The following TRPC5 variants were observed in gnomAD, a reference collection of about 807,000 sequenced individuals.
The protein encoded by TRPC5 is transient receptor potential cation channel subfamily C member 5.
In TRPC5, 9 loss-of-function variants were observed where a neutral mutation model predicts 56.5. The observed-to-expected ratio is 0.16, with a 90% CI of 0.10 to 0.28. TRPC5 has a LOEUF of 0.28. Ranked by LOEUF, TRPC5 falls within the 10% of genes least tolerant of loss-of-function variation. The pLI is 1.00. For missense variants in TRPC5, 469 were observed against 748.9 expected, an observed-to-expected ratio of 0.63 and a Z score of 4.36; for synonymous variants, 282 against 278.5, an observed-to-expected ratio of 1.01 and a Z score of -0.13.
chrX:111,779,064 C>G lies in TRPC5; in HGVS notation c.2153G>C (p.Arg718Thr). The G allele has an allele frequency of 1.7e-6, 2 of 1,195,166 alleles. No homozygotes were observed. The highest frequency in any genetic ancestry group is 2.3e-6 in the Non-Finnish European group (2 of 884,488). Residue 718 changes from arginine to threonine, a missense_variant, in exon 10 of 11, where the codon AGG becomes ACG. Physicochemically the swap from Arg to Thr is moderately conservative, Grantham distance 71. Transcript: ENST00000262839. ...AGCCACATATCTTTTGACTAAATTC[C>G]TGATAACTTCCTGGAATTACAAAAC... Reference protein sequence around the residue: ...IQNQHYQEVIRNLVKRYVAAM... With the variant: ...IQNQHYQEVITNLVKRYVAAM...
intron 1 of TRPC5, among the ~76,000 whole-genome samples, chrX:112,078,877 G>A (rs1930898289): frequency 1.8e-5 from 2 of 111,818 alleles, no homozygotes; most frequent in African/African-American, 6.5e-5. Context: ...ATCAACAGAA[G>A]AAAAGCTTCG....
intron 3 of TRPC5, among the ~76,000 whole-genome samples, chrX:111,867,415 C>CT (rs1230709105): frequency 8.9e-6 from 1 of 111,928 alleles, no homozygotes; most frequent in Non-Finnish European, 1.9e-5. Context: ...TAAGAAAAGG[C>CT]TGCGGTGAAT....
chrX:111,988,054 C>T (rs1928257721), intron 1 of TRPC5, among the ~76,000 whole-genome samples: 1 of 112,618 alleles, frequency 8.9e-6, no homozygotes, highest in African/African-American at 3.2e-5. Context: ...CAATATAAAG[C>T]AGCAAATAGA....
Position 111,843,873 on chromosome X carries a change from AGTGTGTGTGTGTGT to A in TRPC5, c.1700+3227_1700+3240del, listed in dbSNP as rs547330564. On this transcript the variant is annotated intron_variant, in intron 6 of 10. Coordinates refer to ENST00000262839, the MANE Select transcript of TRPC5 (RefSeq NM_012471.3). ...AGGCCTGAACCAAGACAGTGGGATG[AGTGTGTGTGTGTGT>A]GTGTGTGTGTGTGTGTGTGTGTGTG... is the stretch of plus-strand genomic sequence containing the variant. Among the ~76,000 whole-genome samples the A allele has an allele frequency of 3.5e-3, 255 of 72,601 alleles. 4 individuals carry two copies. The highest frequency in any genetic ancestry group is 7.9e-3 in the African/African-American group (142 of 17,954). 63.0% of individuals were successfully genotyped at this position (72,601 alleles called of 115,157 possible).
chrX:111,851,926 G>T (rs958541739), intron 5 of TRPC5, among the ~76,000 whole-genome samples: 2 of 111,909 alleles, frequency 1.8e-5, no homozygotes, highest in African/African-American at 6.5e-5. Context: ...GAAGTGACAA[G>T]GATTAAGAGA....
At chrX:112,030,055 C>A (rs913499274) in intron 1 of TRPC5, among the ~76,000 whole-genome samples, 1 of 111,911 alleles carries the variant, frequency 8.9e-6, no homozygotes, top group African/African-American at 3.2e-5. Context: ...GCACTCCCAA[C>A]CTCAGGTGAT....
chrX:111,954,499 C>A (rs1160523753), intron 1 of TRPC5, among the ~76,000 whole-genome samples: 1 of 111,552 alleles, frequency 9.0e-6, no homozygotes, highest in Non-Finnish European at 1.9e-5. Flanking sequence ...CAGTTATGGC[C>A]TAGTTGGGTG....
intron 6 of TRPC5, among the ~76,000 whole-genome samples, chrX:111,845,128 C>T (rs925473182): frequency 1.8e-5 from 2 of 110,732 alleles, no homozygotes; most frequent in African/African-American, 6.6e-5. Flanking sequence ...ATCCCAGCTA[C>T]TCAGGAGGCT....
intron 3 of TRPC5, among the ~76,000 whole-genome samples, chrX:111,893,873 C>G (rs1859880): frequency 0.17 from 18,735 of 111,178 alleles, 2,834 homozygotes; most frequent in African/African-American, 0.49. Flanking sequence ...TGTAAATACT[C>G]TTTTTTATTC....
intron 6 of TRPC5, among the ~76,000 whole-genome samples, chrX:111,841,645 TA>T (rs1922736110): frequency 8.9e-6 from 1 of 112,408 alleles, no homozygotes; most frequent in East Asian, 2.8e-4. Context: ...TTTGTCTTTA[TA>T]GATTATTATT....
At chrX:112,028,586 C>T (rs1170961988) in intron 1 of TRPC5, among the ~76,000 whole-genome samples, 2 of 111,656 alleles carry the variant, frequency 1.8e-5, no homozygotes, top group African/African-American at 6.5e-5. Flanking sequence ...TCATCCATGT[C>T]CGTACAAAGG....
At chrX:111,836,478 G>A (rs1338708348) in intron 6 of TRPC5, among the ~76,000 whole-genome samples, 2 of 111,631 alleles carry the variant, frequency 1.8e-5, no homozygotes, top group Non-Finnish European at 3.8e-5. Context: ...AAAGTGCTCT[G>A]CCCCCTGATC....
intron 6 of TRPC5, among the ~76,000 whole-genome samples, chrX:111,844,482 C>T (rs1365093211): frequency 4.3e-4 from 40 of 92,450 alleles, no homozygotes; most frequent in African/African-American, 1.5e-3. Flanking sequence ...TTTTTGGAGA[C>T]GGAGTTTTGC....
intron 5 of TRPC5, among the ~76,000 whole-genome samples, chrX:111,849,432 C>T (rs940740055): frequency 6.2e-5 from 7 of 112,514 alleles, no homozygotes; most frequent in Non-Finnish European, 1.3e-4. Flanking sequence ...TGGTTCCCAT[C>T]ACAACTACCC....
At chrX:111,797,456 C>T (rs1321066144) in intron 7 of TRPC5, among the ~76,000 whole-genome samples, 1 of 111,615 alleles carries the variant, frequency 9.0e-6, no homozygotes, top group Non-Finnish European at 1.9e-5. Flanking sequence ...GGATATACCT[C>T]TATCTTTTCT....
At chrX:111,783,329 T>C (rs780163309) in intron 7 of TRPC5, among the ~76,000 whole-genome samples, 11 of 111,901 alleles carry the variant, frequency 9.8e-5, no homozygotes, top group Non-Finnish European at 1.3e-4. Context: ...AAGAGTGGTA[T>C]TGCTGGATTG....
intron 1 of TRPC5, among the ~76,000 whole-genome samples, chrX:112,056,770 C>G (rs1930349956): frequency 8.9e-6 from 1 of 112,174 alleles, no homozygotes; most frequent in South Asian, 3.7e-4. Context: ...CCATTAACTG[C>G]ACTGTCTTCT....
chrX:111,944,311 AG>A (rs1926875134), intron 2 of TRPC5, among the ~76,000 whole-genome samples: 1 of 86,945 alleles, frequency 1.2e-5, no homozygotes, highest in African/African-American at 5.7e-5. Flanking sequence ...TGTGAGAGAG[AG>A]AGAGAGAGAG....
rs749682947 is a variant in TRPC5 at position 111,775,266 on chromosome X, A to G, written c.*1047T>C. On this transcript the variant is annotated 3_prime_UTR_variant, in exon 11 of 11. Coordinates refer to ENST00000262839, the MANE Select transcript of TRPC5 (RefSeq NM_012471.3). ...TAGGTTATCTATACCTAAAGTTGCC[A>G]TTTTTATAAAGCAGTTAATTAAAAT... The G allele has an allele frequency of 3.6e-4, 40 of 112,217 alleles. No homozygotes were observed. The highest frequency in any genetic ancestry group is 7.4e-4 in the South Asian group (2 of 2,688). 9.2% of individuals were successfully genotyped at this position (112,217 alleles called of 1,213,427 possible).
Sources: gnomAD v4.1 joint callset for allele counts (sites outside exome capture counted in the v4.1 genomes callset) on GRCh38, gnomAD v4.1.1 for gene constraint, MANE v1.5 for transcripts, NCBI Gene and HGNC (gene_info 2026-07-23, HGNC 2026-07-21) for gene names.